The following CENPF variants were observed in gnomAD, a reference collection of about 807,000 sequenced individuals.
CENPF encodes AH antigen.
Under a neutral mutation model 307.3 loss-of-function variants are expected in CENPF, and 214 were observed. The observed-to-expected ratio is 0.70, with a 90% CI of 0.62 to 0.78. CENPF has a LOEUF of 0.78. Among genes scored for constraint, CENPF ranks in the 30% least tolerant of loss-of-function variants. CENPF has a pLI of 0.00. For synonymous variants in CENPF, 1,259 were observed against 1,270.6 expected, an observed-to-expected ratio of 0.99 and a Z score of 0.19; for missense variants, 3,401 against 3,483.9, an observed-to-expected ratio of 0.98 and a Z score of 0.60.
Position 214,645,039 on chromosome 1 carries a change from A to T in CENPF, c.5469A>T (p.Glu1823Asp), listed in dbSNP as rs1376710581. 6.2e-7 allele frequency: 1 copy of T among 1,613,768 alleles called. No individual in the cohort carries two copies. Among genetic ancestry groups the T allele is most frequent in the Non-Finnish European group, 8.5e-7 (1 of 1,179,968 alleles). ...LQEVQLMTKI[E>D]ACIELEKIVG... ...AGGTACAACTAATGACCAAAATTGA[A>T]GCATGCATAGAATTGGAAAAAATAG... Residue 1823 changes from glutamate (E) to aspartate (D), a missense_variant, in exon 13 of 20, where the codon GAA becomes GAT. By Grantham distance (45) the Glu-to-Asp change is conservative. Transcript: ENST00000366955.
chr1:214,643,435 G>C (rs910552122), intron 12 of CENPF, 111 bp downstream of exon 12: 3 of 1,012,798 alleles, frequency 3.0e-6, no homozygotes, highest in Admixed American at 3.1e-5. Flanking sequence ...ATATTTTTAG[G>C]GTTCAAGGAA....
At chr1:214,647,436 GT>G (rs1463395454) in intron 13 of CENPF, 36 bp downstream of exon 13, 3 of 1,547,346 alleles carry the variant, frequency 1.9e-6, no homozygotes, top group Non-Finnish European at 2.6e-6. Flanking sequence ...TAAATATGTA[GT>G]CATGAGGCAG....
intron 11 of CENPF, among the ~76,000 whole-genome samples, chr1:214,638,991 G>T (rs1658034406): frequency 6.6e-6 from 1 of 152,210 alleles, no homozygotes; most frequent in Non-Finnish European, 1.5e-5. Context: ...GTGGGATGAA[G>T]CCCTTGTGGT....
intron 19 of CENPF, among the ~76,000 whole-genome samples, chr1:214,660,869 T>C (rs1169113010): frequency 6.6e-6 from 1 of 152,228 alleles, no homozygotes; most frequent in Non-Finnish European, 1.5e-5. Context: ...ATCTATAGTT[T>C]ATGTCTATGC....
intron 7 of CENPF, among the ~76,000 whole-genome samples, chr1:214,623,319 T>C (rs1253887933): frequency 1.3e-5 from 2 of 152,166 alleles, no homozygotes; most frequent in African/African-American, 4.8e-5. Context: ...TACATAGTAT[T>C]AGGTATTATA....
intron 10 of CENPF, among the ~76,000 whole-genome samples, chr1:214,636,323 G>A (rs969307974): frequency 3.3e-5 from 5 of 152,164 alleles, no homozygotes; most frequent in Admixed American, 6.5e-5. Context: ...GCACCTTAAT[G>A]ATCGTGCTTT....
chr1:214,661,375 T>C (rs967367317), intron 19 of CENPF, among the ~76,000 whole-genome samples: 1 of 152,200 alleles, frequency 6.6e-6, no homozygotes, highest in Non-Finnish European at 1.5e-5. Flanking sequence ...CTGCCTCATC[T>C]GTTAAGCGTA....
Position 214,630,668 on chromosome 1 carries a change from G to A in CENPF, c.1323+6G>A. 1 of 1,613,556 alleles carries A rather than the reference G, an allele frequency of 6.2e-7. No individual in the cohort carries two copies. Among genetic ancestry groups the A allele is most frequent in the Non-Finnish European group, 8.5e-7 (1 of 1,179,728 alleles). The stretch of plus-strand genomic sequence containing the variant: ...TGCAGGCTGAACTGGATAAAGTAGG[G>A]GCCGTGTCTCTCTCTCTCTCCTTAA... On this transcript the variant is annotated splice_donor_region_variant and intron_variant, in intron 9 of 19. Transcript: ENST00000366955.
chr1:214,617,617 A>G (rs1657395956), intron 3 of CENPF, among the ~76,000 whole-genome samples: 1 of 152,076 alleles, frequency 6.6e-6, no homozygotes, highest in African/African-American at 2.4e-5. Flanking sequence ...TCTTGTAACT[A>G]TTTCCAGCCA....
chr1:214,654,197 A>G (rs1658567685), intron 16 of CENPF: 1 of 152,168 alleles, frequency 6.6e-6, no homozygotes, highest in East Asian at 1.9e-4. Flanking sequence ...TCCCAGAGGG[A>G]TCTGCTATAA....
Position 214,641,675 on chromosome 1 carries a change from G to A in CENPF, c.3337G>A (p.Glu1113Lys), listed in dbSNP as rs1658119936. ...LETVQQALRS[E>K]MTDNQNNSKS... ...GACAGTGCAGCAAGCTCTGAGATCTGAGATGACAGATAACCAAAACAATTC... is the reference window on the plus strand; with the variant it reads ...GACAGTGCAGCAAGCTCTGAGATCTAAGATGACAGATAACCAAAACAATTC... Residue 1113 changes from glutamate (E) to lysine (K), a missense_variant, in exon 12 of 20, where the codon GAG becomes AAG. By Grantham distance (56) the Glu-to-Lys change is moderately conservative. Transcript: ENST00000366955. 1 of 1,581,412 alleles carries A rather than the reference G, an allele frequency of 6.3e-7. No individual in the cohort carries two copies.
Position 214,659,701 on chromosome 1 carries a change from T to C in CENPF, c.9141+673T>C, listed in dbSNP as rs1658743100. Among the ~76,000 whole-genome samples, 2 of 152,360 alleles carry C rather than the reference T, an allele frequency of 1.3e-5. No individual in the cohort carries two copies. Among genetic ancestry groups the C allele is most frequent in the South Asian group, 2.1e-4 (1 of 4,832 alleles). On this transcript the variant is annotated intron_variant, in intron 19 of 19. Transcript: ENST00000366955. This position sits in a 1 kb window ranked among gnomAD's most constrained non-coding sequence, Gnocchi z 4.4. ...CATTTTATTTATCTTTCTCATTTTA[T>C]TGAACTCTCACAGTAAGTGGTATTA... is the stretch of plus-strand genomic sequence containing the variant.
rs558626579 is a variant in CENPF at position 214,648,605 on chromosome 1, G to A, written c.7831-70G>A. 1,594 of 1,508,392 alleles carry A rather than the reference G, an allele frequency of 1.1e-3. 37 individuals carry two copies. The South Asian group carries it at 0.013, about 12-fold the overall frequency. The allele number at this position is 1,508,392 out of a possible 1,614,324, so 93.4% of individuals were successfully genotyped here. ...CTAAAATAAATGGCATGAATATGTT[G>A]TATCAGAGTGGTCGATCTGATCAAA... On this transcript the variant is annotated intron_variant, in intron 13 of 19. Coordinates refer to ENST00000366955, the MANE Select transcript of CENPF (RefSeq NM_016343.4).
In CENPF at chr1:214,613,728, T is replaced by G; in HGVS notation, c.-27T>G. On this transcript the variant is annotated 5_prime_UTR_variant, in exon 2 of 20. Coordinates refer to ENST00000366955, the MANE Select transcript of CENPF (RefSeq NM_016343.4). ...ATTCTTTTCAGTTTATTTACAAATGTTGGAGTAATAAAGAAGGCAGAACAA... is the reference window on the plus strand; with the variant it reads ...ATTCTTTTCAGTTTATTTACAAATGGTGGAGTAATAAAGAAGGCAGAACAA... 1 of 1,563,456 alleles carries G rather than the reference T, an allele frequency of 6.4e-7. No individual in the cohort carries two copies. Among genetic ancestry groups the G allele is most frequent in the East Asian group, 2.3e-5 (1 of 43,174 alleles).
chr1:214,628,345 C>T (rs542502951), intron 7 of CENPF, among the ~76,000 whole-genome samples: 6 of 151,556 alleles, frequency 4.0e-5, no homozygotes, highest in African/African-American at 1.5e-4. Context: ...CAGTAGAGGG[C>T]GCCACGGGTT....
chr1:214,632,429 G>C, intron 9 of CENPF, 51 bp from the exon 10 acceptor site: 1 of 1,582,492 alleles, frequency 6.3e-7, no homozygotes, highest in East Asian at 2.2e-5. Context: ...CATGATTAAT[G>C]AAAAAGTAAA....
chr1:214,607,782 T>G (rs1657077684), intron 1 of CENPF, among the ~76,000 whole-genome samples: 1 of 152,142 alleles, frequency 6.6e-6, no homozygotes, highest in African/African-American at 2.4e-5. Context: ...CTAGGAGGGC[T>G]GGATCTGGAA....
At position 214,641,991 on chromosome 1, in the gene CENPF, G is replaced by A. The variant is rs369609081; in HGVS notation, c.3653G>A (p.Arg1218Lys). The stretch of plus-strand genomic sequence containing the variant: ...TTGGTGCAATTAGAAGCTATGCTAA[G>A]AAATAAGGAATTAAAACTTCAGGAA... The part of the protein sequence containing the change: ...AQLVQLEAML[R>K]NKELKLQESE... Residue 1218 changes from arginine to lysine, a missense_variant, in exon 12 of 20, where the codon AGA becomes AAA. By Grantham distance (26) the Arg-to-Lys change is conservative. Transcript: ENST00000366955. 7.5e-6 allele frequency: 12 copies of A among 1,609,866 alleles called. No individual in the cohort carries two copies. Among genetic ancestry groups the A allele is most frequent in the Non-Finnish European group, 8.5e-6 (10 of 1,179,036 alleles).
Position 214,645,432 on chromosome 1 carries a change from A to G in CENPF, c.5862A>G (p.Ser1954=), listed in dbSNP as rs150348132. The change falls in exon 13 of 20, where the codon TCA becomes TCG. Residue 1954 remains serine (S), a synonymous_variant. Coordinates refer to ENST00000366955, the MANE Select transcript of CENPF (RefSeq NM_016343.4). ...KVIVCLEEEL[S]VVTSERNQLR... ...TTGTCTGCCTTGAAGAAGAACTCTC[A>G]GTGGTCACAAGTGAGAGAAACCAGC... 6.8e-4 allele frequency: 1,097 copies of G among 1,614,058 alleles called. 3 individuals carry two copies. Among genetic ancestry groups the G allele is most frequent in the Middle Eastern group, 3.5e-3 (21 of 6,062 alleles).
Sources: allele counts gnomAD v4.1 joint callset (sites outside exome capture counted in the v4.1 genomes callset), GRCh38; gene constraint gnomAD v4.1.1; non-coding constraint Gnocchi (gnomAD v3.1); transcripts MANE v1.5; gene names NCBI Gene and HGNC (gene_info 2026-07-23, HGNC 2026-07-21).